The following TOM1L2 variants were observed in gnomAD, a reference collection of about 807,000 sequenced individuals.
TOM1L2 encodes target of myb1 like 2 membrane trafficking protein, also known as TOM1-like protein 2.
In TOM1L2, 31 loss-of-function variants were observed where a neutral mutation model predicts 67.9. The observed-to-expected ratio is 0.46, with a 90% confidence interval of 0.34 to 0.62. TOM1L2 has a LOEUF of 0.62. Among genes scored for constraint, TOM1L2 ranks in the 20% least tolerant of loss-of-function variants. TOM1L2 has a pLI of 0.01. For synonymous variants in TOM1L2, 256 were observed against 254.0 expected, an observed-to-expected ratio of 1.01 and a Z score of -0.07; for missense variants, 606 against 663.5, an observed-to-expected ratio of 0.91 and a Z score of 0.95.
chr17:17,898,501 G>C, intron 3 of TOM1L2, 95 bp downstream of exon 3: 1 of 1,290,964 alleles, frequency 7.7e-7, no homozygotes, highest in Non-Finnish European at 1.1e-6. Flanking sequence ...CAGAGGTTGT[G>C]CTAAGTGGGC....
At chr17:17,963,966 A>G (rs1296627540) in intron 1 of TOM1L2, among the ~76,000 whole-genome samples, 1 of 152,188 alleles carries the variant, frequency 6.6e-6, no homozygotes, top group East Asian at 1.9e-4. Flanking sequence ...TAGATAAGAG[A>G]AGAGCCAAAT....
chr17:17,886,135 G>T (rs2037986665), intron 4 of TOM1L2, among the ~76,000 whole-genome samples: 1 of 152,042 alleles, frequency 6.6e-6, no homozygotes, highest in African/African-American at 2.4e-5. Context: ...CCTCACTCCA[G>T]CAATGTGGTA....
At position 17,907,666 on chromosome 17, in the gene TOM1L2, T is replaced by C. The variant is rs2039159773; in HGVS notation, c.53-135A>G. 63 of 698,868 alleles carry C rather than the reference T, an allele frequency of 9.0e-5. No homozygotes were observed. The South Asian group carries it at 1.1e-3, about 13-fold the overall frequency. The allele number at this position is 698,868 out of a possible 1,614,324, so 43.3% of individuals were successfully genotyped here. ...TGAGCCAACAGAGCCATTCTAGGAG[T>C]GCTATTATCACAAGAGAACACCCGG... On this transcript the variant is annotated intron_variant, in intron 1 of 14. Transcript: ENST00000379504.
At chr17:17,954,183 A>C (rs1268055167) in intron 1 of TOM1L2, among the ~76,000 whole-genome samples, 3 of 152,382 alleles carry the variant, frequency 2.0e-5, no homozygotes, top group Admixed American at 2.0e-4. Flanking sequence ...GCAGGGCCAA[A>C]GGCCATGCTG....
At chr17:17,913,158 G>T (rs1410876611) in intron 1 of TOM1L2, among the ~76,000 whole-genome samples, 1 of 128,614 alleles carries the variant, frequency 7.8e-6, no homozygotes, top group African/African-American at 2.6e-5. Flanking sequence ...CTTCGGCTCG[G>T]CATGAGAGGG....
intron 2 of TOM1L2, 31 bp downstream of exon 2, chr17:17,907,416 G>T: frequency 6.2e-7 from 1 of 1,608,058 alleles, no homozygotes; most frequent in South Asian, 1.1e-5. Context: ...AAAGCTCAGA[G>T]AGGCTTCCCA....
Sources: gnomAD v4.1 joint callset for allele counts (sites outside exome capture counted in the v4.1 genomes callset) on GRCh38, gnomAD v4.1.1 for gene constraint, MANE v1.5 for transcripts, NCBI Gene and HGNC (gene_info 2026-07-23, HGNC 2026-07-21) for gene names.